Variants in ADCY8 observed in about 807,000 individuals in gnomAD.
The protein encoded by ADCY8 is adenylate cyclase 8.
A neutral mutation model predicts 119.7 loss-of-function variants in ADCY8; 51 were observed. The observed-to-expected ratio is 0.43, with a 90% CI of 0.34 to 0.54. ADCY8 has a LOEUF of 0.54. ADCY8 is among the 20% of genes least tolerant of loss of function. The pLI is 0.03. For missense variants in ADCY8, 1,383 were observed against 1,598.8 expected (o/e 0.87, Z 2.30); for synonymous variants, 665 against 651.0 (o/e 1.02, Z -0.33).
At chr8:130,821,246 G>A in intron 13 of ADCY8, 96 bp downstream of exon 13, 1 of 1,016,096 alleles carries the variant, frequency 9.8e-7, no homozygotes, top group Non-Finnish European at 1.5e-6. Flanking sequence ...GCCACAGGCA[G>A]CTAAAAGTTA....
rs771961643 is a variant in ADCY8, at chr8:130,903,880, G to T, written c.1803C>A (p.Ile601=). ...EDSLLSLPED[I]VKESVSSSDR... The stretch of plus-strand genomic sequence containing the variant: ...CTGAGGAGCTCACTGACTCCTTGAC[G>T]ATATCTTCAGGCAAGGACAGCAGAC... The change falls in exon 7 of 18, where the codon ATC becomes ATA. Residue 601 remains isoleucine (I), a synonymous_variant. Coordinates refer to ENST00000286355, the MANE Select transcript of ADCY8 (RefSeq NM_001115.3). 1 of 1,614,094 alleles carries T rather than the reference G, an allele frequency of 6.2e-7. No homozygotes were observed. The highest frequency in any genetic ancestry group is 1.1e-5 in the South Asian group (1 of 91,080).
intron 2 of ADCY8, among the ~76,000 whole-genome samples, chr8:130,972,044 G>C (rs1370808306): frequency 1.3e-5 from 2 of 152,142 alleles, no homozygotes; most frequent in East Asian, 3.9e-4. Context: ...CTCATAAACA[G>C]AATCTACCTA....
intron 5 of ADCY8, among the ~76,000 whole-genome samples, chr8:130,924,483 T>A (rs1820403750): frequency 6.6e-6 from 1 of 152,168 alleles, no homozygotes; most frequent in Admixed American, 6.5e-5. Context: ...AACAGCATAC[T>A]TTTTACAAAT....
At chr8:130,890,665 T>C (rs6998875) in intron 7 of ADCY8, among the ~76,000 whole-genome samples, 71,295 of 151,914 alleles carry the variant, frequency 0.47, 18,300 homozygotes, top group East Asian at 0.62. Flanking sequence ...ACTTTTGGGA[T>C]CCAGAGAATG....
chr8:130,964,755 G>A (rs777868395), intron 2 of ADCY8, among the ~76,000 whole-genome samples: 2 of 152,204 alleles, frequency 1.3e-5, no homozygotes, highest in Non-Finnish European at 2.9e-5. Flanking sequence ...TTCCACAGTA[G>A]TTGAACTAAC....
chr8:131,019,823 C>CTG lies in ADCY8; in HGVS notation c.960+19550_960+19551insCA, dbSNP rs1261328094. On this transcript the variant is annotated intron_variant, in intron 1 of 17. Transcript: ENST00000286355. ...TCTCTCTCTCTCTCTCTCTCTCTCTCTCTCTCTCTCTCTCTGTCTGTCTCT... is the reference window on the plus strand; with the variant it reads ...TCTCTCTCTCTCTCTCTCTCTCTCTCTGTCTCTCTCTCTCTCTGTCTGTCTCT... Among the ~76,000 whole-genome samples the CTG allele has an allele frequency of 7.1e-3, 897 of 126,394 alleles. 14 individuals carry two copies. Among genetic ancestry groups the CTG allele is most frequent in the African/African-American group, 0.027 (830 of 30,646 alleles). 82.9% of individuals were successfully genotyped at this position (126,394 alleles called of 152,430 possible).
At chr8:130,934,135 C>T (rs1336720905) in intron 5 of ADCY8, among the ~76,000 whole-genome samples, 2 of 152,192 alleles carry the variant, frequency 1.3e-5, no homozygotes, top group Non-Finnish European at 2.9e-5. Context: ...ATAAGGCTCA[C>T]ACACCTAATT....
intron 9 of ADCY8, among the ~76,000 whole-genome samples, chr8:130,857,063 G>A (rs1199145309): frequency 1.4e-5 from 2 of 144,706 alleles, no homozygotes; most frequent in Non-Finnish European, 3.0e-5. Flanking sequence ...ATAGAACTTT[G>A]CAGGGCACAC....
At chr8:130,941,913 C>A (rs937041147) in intron 4 of ADCY8, among the ~76,000 whole-genome samples, 2 of 152,176 alleles carry the variant, frequency 1.3e-5, no homozygotes, top group African/African-American at 2.4e-5. Context: ...AATAAAATCA[C>A]CTTCTTGACA....
intron 12 of ADCY8, among the ~76,000 whole-genome samples, chr8:130,824,144 T>C (rs1816601881): frequency 6.6e-6 from 1 of 152,182 alleles, no homozygotes; most frequent in Non-Finnish European, 1.5e-5. Flanking sequence ...TTATAGCACA[T>C]TTGACCCCGA....
At chr8:130,878,013 G>A (rs1818630889) in intron 8 of ADCY8, among the ~76,000 whole-genome samples, 1 of 152,142 alleles carries the variant, frequency 6.6e-6, no homozygotes, top group Admixed American at 6.5e-5. Context: ...AGAAGGACAA[G>A]GGAAAAGAAA....
At chr8:131,029,373 A>G (rs1020264657) in intron 1 of ADCY8, among the ~76,000 whole-genome samples, 2 of 152,188 alleles carry the variant, frequency 1.3e-5, no homozygotes, top group Non-Finnish European at 2.9e-5. Context: ...TCCCCCACCC[A>G]TGTCTGTGGA....
intron 13 of ADCY8, among the ~76,000 whole-genome samples, chr8:130,820,765 T>G (rs1816483542): frequency 6.6e-6 from 1 of 152,198 alleles, no homozygotes. Flanking sequence ...GGCAGGCATT[T>G]TATCTAATTA....
rs73344576 is a variant in ADCY8, at chr8:130,865,982, G to T, written c.2210+1864C>A. 1.7e-3 allele frequency among the ~76,000 whole-genome samples: 258 copies of T among 152,166 alleles called. 2 individuals carry two copies. Among genetic ancestry groups the T allele is most frequent in the African/African-American group, 6.1e-3 (254 of 41,524 alleles). Reference sequence around the variant, plus strand: ...TCACAGCACTTCTCAGTGCATATCTGTTGGCTGTATTGAGATCCTTTTGTT... The same window carrying T: ...TCACAGCACTTCTCAGTGCATATCTTTTGGCTGTATTGAGATCCTTTTGTT... On this transcript the variant is annotated intron_variant, in intron 9 of 17. Coordinates refer to ENST00000286355, the MANE Select transcript of ADCY8 (RefSeq NM_001115.3).
chr8:130,984,253 C>T, intron 2 of ADCY8, among the ~76,000 whole-genome samples: 1 of 152,004 alleles, frequency 6.6e-6, no homozygotes, highest in Non-Finnish European at 1.5e-5. Context: ...GAGTGGGCTC[C>T]CTGTGGGGTA....
At chr8:130,914,567 G>C (rs1393577647) in intron 5 of ADCY8, among the ~76,000 whole-genome samples, 1 of 152,144 alleles carries the variant, frequency 6.6e-6, no homozygotes, top group African/African-American at 2.4e-5. Context: ...TACAGACATT[G>C]ATACTCATTA....
At chr8:130,809,001 C>T (rs1423002614) in intron 14 of ADCY8, among the ~76,000 whole-genome samples, 1 of 152,124 alleles carries the variant, frequency 6.6e-6, no homozygotes, top group Non-Finnish European at 1.5e-5. Context: ...GCTTTATCTG[C>T]AAGAATGTTC....
chr8:130,836,015 A>G (rs773810547), intron 12 of ADCY8, among the ~76,000 whole-genome samples: 4 of 152,180 alleles, frequency 2.6e-5, no homozygotes, highest in Non-Finnish European at 4.4e-5. Context: ...TGAAGAAATC[A>G]TAAGTGATCA....
At chr8:130,909,679 A>C (rs1563724764) in intron 6 of ADCY8, 29 bp downstream of exon 6, 13 of 1,613,548 alleles carry the variant, frequency 8.1e-6, no homozygotes, top group Non-Finnish European at 1.1e-5. Flanking sequence ...ACAACCGTTA[A>C]GCATGAAAAG....
Sources: allele counts gnomAD v4.1 joint callset (sites outside exome capture counted in the v4.1 genomes callset), GRCh38; gene constraint gnomAD v4.1.1; transcripts MANE v1.5; gene names NCBI Gene and HGNC (gene_info 2026-07-23, HGNC 2026-07-21).